Variants in GABRR2 observed in about 807,000 individuals in gnomAD.
GABRR2 encodes the protein gamma-aminobutyric acid receptor subunit rho-2.
A neutral mutation model predicts 47.0 loss-of-function variants in GABRR2; 36 were observed. The observed-to-expected ratio is 0.77, with a 90% CI of 0.59 to 1.01. The LOEUF is 1.01. Ranked by LOEUF, GABRR2 falls within the 50% of genes least tolerant of loss-of-function variation. The pLI is 0.00. For synonymous variants in GABRR2, 204 were observed against 227.5 expected, an observed-to-expected ratio of 0.90 and a Z score of 0.93; for missense variants, 587 against 594.6, an observed-to-expected ratio of 0.99 and a Z score of 0.13.
chr6:89,264,015 A>G (rs1481074137), intron 8 of GABRR2, among the ~76,000 whole-genome samples: 1 of 152,208 alleles, frequency 6.6e-6, no homozygotes, highest in East Asian at 1.9e-4. Flanking sequence ...GTCCCTAGAC[A>G]TGTTCAGTAA....
chr6:89,291,761 T>C (rs1774445397), intron 2 of GABRR2, among the ~76,000 whole-genome samples: 1 of 152,190 alleles, frequency 6.6e-6, no homozygotes, highest in Non-Finnish European at 1.5e-5. Context: ...CATTTATCTG[T>C]TTCCCCCCAA....
At position 89,269,017 on chromosome 6, in the gene GABRR2, C is replaced by A; in HGVS notation, c.506G>T (p.Ser169Ile). Reference sequence around the variant, plus strand: ...ATGGCCCCCAGACAGCTACCTCATGCTGTACAGCACGTGTCCATCTGGGAA... The same window carrying A: ...ATGGCCCCCAGACAGCTACCTCATGATGTACAGCACGTGTCCATCTGGGAA... ...RVFPDGHVLY[S>I]MRITVTAMCN... Residue 169 changes from serine (S) to isoleucine (I), a missense_variant, in exon 4 of 9, where the codon AGC becomes ATC. By Grantham distance (142) the Ser-to-Ile change is moderately radical. Coordinates refer to ENST00000402938, the MANE Select transcript of GABRR2 (RefSeq NM_002043.5). The A allele has an allele frequency of 6.2e-7, 1 of 1,613,566 alleles. No individual in the cohort carries two copies. Among genetic ancestry groups the A allele is most frequent in the Non-Finnish European group, 8.5e-7 (1 of 1,179,450 alleles).
intron 3 of GABRR2, among the ~76,000 whole-genome samples, chr6:89,270,703 G>T (rs1022449994): frequency 1.3e-5 from 2 of 152,182 alleles, no homozygotes; most frequent in African/African-American, 4.8e-5. Flanking sequence ...CTCTTCAAGG[G>T]CAGATGACAG....
intron 1 of GABRR2, among the ~76,000 whole-genome samples, chr6:89,314,825 G>A (rs902365449): frequency 3.3e-5 from 5 of 152,164 alleles, no homozygotes; most frequent in Non-Finnish European, 4.4e-5. Context: ...TTGGCTGAAC[G>A]CAGGCATCCG....
rs189226596 is a variant in GABRR2, at chr6:89,294,443, G to A, written c.220+5316C>T. Among the ~76,000 whole-genome samples, 75 of 152,308 alleles carry A rather than the reference G, an allele frequency of 4.9e-4. 1 individual carries two copies. The highest frequency in any genetic ancestry group is 2.1e-3 in the Admixed American group (32 of 15,302). On this transcript the variant is annotated intron_variant, in intron 2 of 8. Transcript: ENST00000402938. ...TTACAGGCATGAGCCACCACACCCAGCCTCTATCAACTACTTTTAAACACC... is the reference window on the plus strand; with the variant it reads ...TTACAGGCATGAGCCACCACACCCAACCTCTATCAACTACTTTTAAACACC...
chr6:89,307,093 G>T (rs1767580971), intron 1 of GABRR2, among the ~76,000 whole-genome samples: 1 of 152,194 alleles, frequency 6.6e-6, no homozygotes, highest in South Asian at 2.1e-4. Context: ...CAACTTCTAG[G>T]AGAAATTTAA....
chr6:89,269,794 T>C (rs1050466690), intron 3 of GABRR2, among the ~76,000 whole-genome samples: 1 of 152,204 alleles, frequency 6.6e-6, no homozygotes, highest in Non-Finnish European at 1.5e-5. Context: ...GGTTGAAAGA[T>C]CGGGGAGATA....
At chr6:89,273,142 A>G (rs1774090705) in intron 2 of GABRR2, among the ~76,000 whole-genome samples, 1 of 152,224 alleles carries the variant, frequency 6.6e-6, no homozygotes, top group Admixed American at 6.5e-5. Context: ...TCTCAGATAA[A>G]TCAGGGTATA....
At chr6:89,289,137 G>C (rs1017728183) in intron 2 of GABRR2, among the ~76,000 whole-genome samples, 48 of 152,360 alleles carry the variant, frequency 3.2e-4, no homozygotes, top group Admixed American at 2.7e-3. Context: ...ACCATGCAGA[G>C]GGGTGCTGTG....
intron 2 of GABRR2, among the ~76,000 whole-genome samples, chr6:89,272,230 A>G (rs1046353845): frequency 2.6e-5 from 4 of 152,220 alleles, no homozygotes; most frequent in African/African-American, 9.6e-5. Flanking sequence ...GAGGCCTTCA[A>G]CCCAGGGTGA....
intron 2 of GABRR2, among the ~76,000 whole-genome samples, chr6:89,285,633 G>T (rs906498108): frequency 1.3e-5 from 2 of 152,128 alleles, no homozygotes; most frequent in African/African-American, 2.4e-5. Context: ...AGGGGTCTGG[G>T]TTTAAGGTAG....
chr6:89,309,660 C>T (rs1767644194), intron 1 of GABRR2, among the ~76,000 whole-genome samples: 1 of 152,050 alleles, frequency 6.6e-6, no homozygotes, highest in South Asian at 2.1e-4. Flanking sequence ...TGCCCTCTGC[C>T]CCTAAACATG....
chr6:89,273,538 T>C (rs1774099565), intron 2 of GABRR2, among the ~76,000 whole-genome samples: 1 of 152,146 alleles, frequency 6.6e-6, no homozygotes, highest in Non-Finnish European at 1.5e-5. Context: ...CCGGCCTGCA[T>C]TCTCTTTTTA....
chr6:89,299,808 C>A lies in GABRR2; in HGVS notation c.171G>T (p.Gln57His), dbSNP rs1216760476. ...VTKIRKGKPQ[Q>H]LLRVDEHDFS... is the part of the protein sequence containing the mutation. ...AGTCGTGCTCGTCCACTCTGAGAAG[C>A]TGCTGAGGCTTTCCCTTCCGGATCT... is the stretch of plus-strand genomic sequence containing the variant. Residue 57 changes from glutamine (Q) to histidine (H), a missense_variant, in exon 2 of 9, where the codon CAG (glutamine) becomes CAT (histidine). Coordinates refer to ENST00000402938, the MANE Select transcript of GABRR2 (RefSeq NM_002043.5). 6.2e-7 allele frequency: 1 copy of A among 1,614,006 alleles called. No individual in the cohort carries two copies. Among genetic ancestry groups the A allele is most frequent in the South Asian group, 1.1e-5 (1 of 91,088 alleles).
At chr6:89,260,359 TCTC>T (rs755500339) in intron 8 of GABRR2, among the ~76,000 whole-genome samples, 3 of 152,212 alleles carry the variant, frequency 2.0e-5, no homozygotes, top group Non-Finnish European at 2.9e-5. Context: ...AATAGACTCT[TCTC>T]CTAAGATTTT....
intron 1 of GABRR2, among the ~76,000 whole-genome samples, chr6:89,308,104 C>T (rs1350896676): frequency 3.9e-5 from 6 of 152,168 alleles, no homozygotes; most frequent in South Asian, 2.1e-4. Context: ...CATGAGCCAC[C>T]GCGCTCGGCC....
At chr6:89,291,871 T>C (rs1774447846) in intron 2 of GABRR2, among the ~76,000 whole-genome samples, 1 of 152,188 alleles carries the variant, frequency 6.6e-6, no homozygotes, top group Non-Finnish European at 1.5e-5. Context: ...AGGGCGGCTC[T>C]TCCCCAGGGC....
intron 3 of GABRR2, among the ~76,000 whole-genome samples, chr6:89,270,905 CA>C: frequency 6.6e-6 from 1 of 152,222 alleles, no homozygotes; most frequent in South Asian, 2.1e-4. Context: ...GAAAACTCCC[CA>C]AATAAATATC....
intron 2 of GABRR2, among the ~76,000 whole-genome samples, chr6:89,274,693 C>T (rs2127836789): frequency 6.6e-6 from 1 of 151,986 alleles, no homozygotes; most frequent in Non-Finnish European, 1.5e-5. Flanking sequence ...ACGGCGAAAC[C>T]CTGTCTCTAC....
Sources: gnomAD v4.1 joint callset for allele counts (sites outside exome capture counted in the v4.1 genomes callset) on GRCh38, gnomAD v4.1.1 for gene constraint, MANE v1.5 for transcripts, NCBI Gene and HGNC (gene_info 2026-07-23, HGNC 2026-07-21) for gene names.